The following MPDZ variants were observed in gnomAD, a reference collection of about 807,000 sequenced individuals.
The protein encoded by MPDZ is multiple PDZ domain protein.
A neutral mutation model predicts 239.1 loss-of-function variants in MPDZ; 234 were observed. That is an observed-to-expected ratio of 0.98 (90% CI 0.88 to 1.09). MPDZ has a LOEUF of 1.09. Ranked by LOEUF, MPDZ falls within the 50% of genes least tolerant of loss-of-function variation. MPDZ has a pLI of 0.00. For missense variants in MPDZ, 3,175 were observed against 2,510.0 expected (o/e 1.26, Z -5.66); for synonymous variants, 1,048 against 881.3 (o/e 1.19, Z -3.35).
At chr9:13,266,589 G>A (rs566397521) in intron 1 of MPDZ, among the ~76,000 whole-genome samples, 19 of 152,198 alleles carry the variant, frequency 1.2e-4, no homozygotes, top group African/African-American at 3.9e-4. Context: ...AGAAAATTTT[G>A]TAAGCTTTTA....
chr9:13,138,615 G>A (rs1263519469), intron 28 of MPDZ, among the ~76,000 whole-genome samples: 4 of 152,190 alleles, frequency 2.6e-5, no homozygotes, highest in Non-Finnish European at 5.9e-5. Context: ...GCAAAATGAA[G>A]AGAATGAGCT....
At position 13,119,599 on chromosome 9, in the gene MPDZ, T is replaced by A. The variant is rs932628078; in HGVS notation, c.5282A>T (p.Asp1761Val). 6.2e-7 allele frequency: 1 copy of A among 1,614,030 alleles called. No individual in the cohort carries two copies. Among genetic ancestry groups the A allele is most frequent in the East Asian group, 2.2e-5 (1 of 44,884 alleles). ...VSDIVKGGIA[D>V]ADGRLMQGDQ... ...TCCCTGCATCAGTCTTCCATCGGCATCTGCAATTCCTCCTTTGACAATGTC... is the reference window on the plus strand; with the variant it reads ...TCCCTGCATCAGTCTTCCATCGGCAACTGCAATTCCTCCTTTGACAATGTC... Residue 1761 changes from aspartate to valine, a missense_variant, in exon 39 of 47, where the codon GAT becomes GTT. Physicochemically the swap from Asp to Val is radical, Grantham distance 152. Transcript: ENST00000319217.
At chr9:13,220,684 G>A (rs1958996868) in intron 7 of MPDZ, among the ~76,000 whole-genome samples, 2 of 151,918 alleles carry the variant, frequency 1.3e-5, no homozygotes, top group African/African-American at 4.8e-5. Context: ...TATGAATACA[G>A]GGAATATTTG....
intron 35 of MPDZ, 75 bp from the exon 36 acceptor site, chr9:13,123,373 T>G: frequency 1.5e-6 from 2 of 1,330,202 alleles, no homozygotes; most frequent in Non-Finnish European, 1.1e-6. Context: ...ATCACACAGA[T>G]TGACTCTGAG....
At chr9:13,109,642 C>T (rs141793596) in intron 45 of MPDZ, among the ~76,000 whole-genome samples, 84 of 152,208 alleles carry the variant, frequency 5.5e-4, no homozygotes, top group African/African-American at 1.9e-3. Flanking sequence ...TGACTTGCTC[C>T]ATATTACATG....
intron 17 of MPDZ, among the ~76,000 whole-genome samples, chr9:13,186,967 T>C (rs145381691): frequency 6.6e-6 from 1 of 152,084 alleles, no homozygotes. Flanking sequence ...TCTCTACATA[T>C]CCACAGTCTG....
chr9:13,150,522 T>C lies in MPDZ; in HGVS notation c.3619A>G (p.Arg1207Gly). 1 of 1,563,926 alleles carries C rather than the reference T, an allele frequency of 6.4e-7. No homozygotes were observed. Among genetic ancestry groups the C allele is most frequent in the Non-Finnish European group, 8.7e-7 (1 of 1,153,230 alleles). Residue 1207 changes from arginine (R) to glycine (G), a missense_variant, in exon 25 of 47, where the codon AGA becomes GGA. Coordinates refer to ENST00000319217, the MANE Select transcript of MPDZ (RefSeq NM_001378778.1). ...TCACTAGAGGGTACCTCTACGATTC[T>C]ATCTCCAGGTTTCAAGGTTCCATTT... The part of the protein sequence containing the change: ...GKNGTLKPGD[R>G]IVEVDGMDLR...
chr9:13,243,019 C>T (rs1464992296), intron 3 of MPDZ, among the ~76,000 whole-genome samples: 4 of 152,116 alleles, frequency 2.6e-5, no homozygotes, highest in Non-Finnish European at 2.9e-5. Flanking sequence ...AAACATTGCT[C>T]TCTCTACCTG....
At chr9:13,252,632 T>C (rs1182971814) in intron 1 of MPDZ, among the ~76,000 whole-genome samples, 1 of 149,446 alleles carries the variant, frequency 6.7e-6, no homozygotes, top group Non-Finnish European at 1.5e-5. Flanking sequence ...GCAAATAACT[T>C]GAGCTCAGGA....
Position 13,150,608 on chromosome 9 carries a change from T to G in MPDZ, c.3533A>C (p.Asn1178Thr). The G allele has an allele frequency of 6.5e-7, 1 of 1,549,080 alleles. No individual in the cohort carries two copies. Among genetic ancestry groups the G allele is most frequent in the Non-Finnish European group, 8.7e-7 (1 of 1,145,988 alleles). The change falls in exon 25 of 47, where the codon AAT becomes ACT. Residue 1178 changes from asparagine to threonine, a missense_variant. Transcript: ENST00000319217. Reference protein sequence around the residue: ...GGRGMGSRLSNGEVMRGIFIK... With the variant: ...GGRGMGSRLSTGEVMRGIFIK... ...GAAAATGCCCCTCATCACTTCTCCA[T>G]TGCTTAGCCGACTCCCCATCCCTCG...
chr9:13,186,058 G>A (rs967015354), intron 18 of MPDZ, among the ~76,000 whole-genome samples: 3 of 152,052 alleles, frequency 2.0e-5, no homozygotes, highest in Admixed American at 6.6e-5. Flanking sequence ...ACAATGCAAC[G>A]TTAATTAAGT....
At chr9:13,107,235 C>A in intron 46 of MPDZ, 124 bp from the exon 47 acceptor site, 1 of 1,006,432 alleles carries the variant, frequency 9.9e-7, no homozygotes, top group Non-Finnish European at 1.4e-6. Context: ...TCCCAGTGCT[C>A]CATGGGTGCT....
chr9:13,105,933 T>G lies in MPDZ; in HGVS notation c.*1032A>C, dbSNP rs1308602097. On this transcript the variant is annotated 3_prime_UTR_variant, in exon 47 of 47. Transcript: ENST00000319217. Reference sequence around the variant, plus strand: ...CCATCTGTTTCCCTTAGTCTTAAACTATTGTATTATAAGATGTTAATATAA... The same window carrying G: ...CCATCTGTTTCCCTTAGTCTTAAACGATTGTATTATAAGATGTTAATATAA... The G allele has an allele frequency of 6.6e-6, 1 of 152,214 alleles. No individual in the cohort carries two copies. Among genetic ancestry groups the G allele is most frequent in the African/African-American group, 2.4e-5 (1 of 41,462 alleles). 9.4% of individuals were successfully genotyped at this position (152,214 alleles called of 1,614,324 possible).
chr9:13,149,108 TC>T (rs1438895871), intron 25 of MPDZ, among the ~76,000 whole-genome samples: 1 of 151,852 alleles, frequency 6.6e-6, no homozygotes, highest in African/African-American at 2.4e-5. Context: ...ATAAAAGAGT[TC>T]GTTAAAAGGG....
intron 36 of MPDZ, 60 bp from the exon 37 acceptor site, chr9:13,122,230 A>C (rs755676791): frequency 6.1e-6 from 9 of 1,475,046 alleles, no homozygotes; most frequent in Non-Finnish European, 8.5e-6. Flanking sequence ...TGGTGAGCAG[A>C]AATGGAGTCC....
At chr9:13,167,065 G>C (rs935979405) in intron 22 of MPDZ, among the ~76,000 whole-genome samples, 2 of 152,024 alleles carry the variant, frequency 1.3e-5, no homozygotes, top group South Asian at 2.1e-4. Flanking sequence ...CAAATCAGAT[G>C]AACAGTTACT....
At chr9:13,136,325 C>CTT (rs869272418) in intron 30 of MPDZ, 143 bp from the exon 31 acceptor site, 2,372 of 155,950 alleles carry the variant, frequency 0.015, 7 homozygotes, top group South Asian at 0.024. Context: ...CAAACGTTTT[C>CTT]TTTTTTTTTT....
At chr9:13,242,715 T>C (rs745358057) in intron 3 of MPDZ, among the ~76,000 whole-genome samples, 20 of 152,076 alleles carry the variant, frequency 1.3e-4, no homozygotes, top group Non-Finnish European at 2.4e-4. Flanking sequence ...CTCCTGCCAA[T>C]ACCCCTCATA....
chr9:13,209,069 T>C (rs1457073832), intron 10 of MPDZ, among the ~76,000 whole-genome samples: 3 of 152,112 alleles, frequency 2.0e-5, no homozygotes, highest in Non-Finnish European at 4.4e-5. Context: ...AATCTCTGTA[T>C]GTGTGGGAAT....
Sources: gnomAD v4.1 joint callset for allele counts (sites outside exome capture counted in the v4.1 genomes callset) on GRCh38, gnomAD v4.1.1 for gene constraint, MANE v1.5 for transcripts, NCBI Gene and HGNC (gene_info 2026-07-23, HGNC 2026-07-21) for gene names.